Variants in BEND4 observed in about 807,000 individuals in gnomAD.
The protein encoded by BEND4 is BEN domain containing 4, also known as BEN domain-containing protein 4.
A neutral mutation model predicts 54.7 loss-of-function variants in BEND4; 27 were observed. The ratio of observed to expected loss-of-function variants is 0.49; its 90% CI spans 0.36 to 0.68. The LOEUF (loss-of-function observed/expected upper bound fraction) is 0.68. Ranked by LOEUF, BEND4 falls within the 30% of genes least tolerant of loss-of-function variation. The probability of loss-of-function intolerance (pLI) is 0.00; values close to 1 mark genes in which losing one functional copy is unlikely to be tolerated. For missense variants in BEND4, 702 were observed against 697.2 expected, an observed-to-expected ratio of 1.01 and a Z score of -0.08; for synonymous variants, 327 against 299.5, an observed-to-expected ratio of 1.09 and a Z score of -0.95.
At chr4:42,145,652 G>A (rs551309510) in intron 2 of BEND4, among the ~76,000 whole-genome samples, 1 of 148,236 alleles carries the variant, frequency 6.7e-6, no homozygotes, top group African/African-American at 2.5e-5. Context: ...AGATGGTGCC[G>A]CTGCACTCCA....
intron 4 of BEND4, among the ~76,000 whole-genome samples, chr4:42,122,481 C>T (rs968265986): frequency 7.9e-5 from 12 of 152,344 alleles, no homozygotes; most frequent in Admixed American, 7.8e-4. Flanking sequence ...GAGCACGGGC[C>T]TCTGTGGCTG....
intron 4 of BEND4, among the ~76,000 whole-genome samples, chr4:42,125,196 G>A (rs1228986087): frequency 6.6e-6 from 1 of 152,172 alleles, no homozygotes; most frequent in Non-Finnish European, 1.5e-5. Context: ...TCTGGAAAAT[G>A]CCTATCTGCA....
chr4:42,128,349 C>G (rs147914560), intron 3 of BEND4, among the ~76,000 whole-genome samples: 274 of 152,332 alleles, frequency 1.8e-3, no homozygotes, highest in Non-Finnish European at 3.1e-3. Flanking sequence ...CTGGGCCAGG[C>G]ACAGTGGCTC....
intron 3 of BEND4, among the ~76,000 whole-genome samples, chr4:42,136,816 C>T (rs1720714795): frequency 6.6e-6 from 1 of 152,162 alleles, no homozygotes; most frequent in Non-Finnish European, 1.5e-5. Context: ...ACGCCTCATT[C>T]GGGCATGAGT....
At chr4:42,133,388 T>A (rs1720575244) in intron 3 of BEND4, among the ~76,000 whole-genome samples, 2 of 152,174 alleles carry the variant, frequency 1.3e-5, no homozygotes, top group South Asian at 4.1e-4. Flanking sequence ...TTTAAGACAT[T>A]CTATGGTAAC....
At position 42,112,267 on chromosome 4, in the gene BEND4, G is replaced by A. The variant is rs1234259101; in HGVS notation, c.*5251C>T. The A allele has an allele frequency of 6.6e-6, 1 of 152,140 alleles. No homozygotes were observed. The highest frequency in any genetic ancestry group is 1.9e-4 in the East Asian group (1 of 5,198). The allele number at this position is 152,140 out of a possible 1,614,324, so 9.4% of individuals were successfully genotyped here. On this transcript the variant is annotated 3_prime_UTR_variant, in exon 6 of 6. Transcript: ENST00000502486. ...GGATAAGAACAGTAACAGCCTCATA[G>A]GGTAGCTGTGAGGATTAAAATGAGA... is the stretch of plus-strand genomic sequence containing the variant.
rs578235390 is a variant in BEND4 at position 42,140,610 on chromosome 4, A to T, written c.1054+2818T>A. 7.9e-5 allele frequency among the ~76,000 whole-genome samples: 12 copies of T among 152,336 alleles called. No homozygotes were observed. The South Asian group carries it at 2.3e-3, about 29-fold the overall frequency. On this transcript the variant is annotated intron_variant, in intron 3 of 5. Coordinates refer to ENST00000502486, the MANE Select transcript of BEND4 (RefSeq NM_207406.4). ...AGTACAAAAGACAATGATTAGTGGC[A>T]AGCCAACACTGAGTTAACTCCTACC...
intron 3 of BEND4, among the ~76,000 whole-genome samples, chr4:42,142,003 A>T (rs1720902292): frequency 1.3e-5 from 2 of 151,738 alleles, no homozygotes; most frequent in Non-Finnish European, 2.9e-5. Flanking sequence ...TCCTGGGTTC[A>T]CGTCATTCTC....
chr4:42,140,844 T>C (rs1422498805), intron 3 of BEND4, among the ~76,000 whole-genome samples: 1 of 152,178 alleles, frequency 6.6e-6, no homozygotes, highest in African/African-American at 2.4e-5. Flanking sequence ...CTTCAGAAGC[T>C]AGGAAGGCTC....
rs1721322701 is a variant in BEND4, at chr4:42,152,093, G to A, written c.51C>T (p.Ile17=). The A allele has an allele frequency of 8.0e-7, 1 of 1,250,206 alleles. No homozygotes were observed. Among genetic ancestry groups the A allele is most frequent in the East Asian group, 3.1e-5 (1 of 31,756 alleles). 77.4% of individuals were successfully genotyped at this position (1,250,206 alleles called of 1,614,324 possible). The part of the protein sequence containing the change: ...PAEEGPSVPK[I]YKQRSPYSVL... ...CGCTGTAGGGGCTGCGCTGCTTGTA[G>A]ATTTTGGGGACGCTGGGCCCCTCCT... The change falls in exon 2 of 6, where the codon ATC becomes ATT. Residue 17 remains isoleucine, a synonymous_variant. Coordinates refer to ENST00000502486, the MANE Select transcript of BEND4 (RefSeq NM_207406.4).
At chr4:42,139,684 A>C (rs1560582001) in intron 3 of BEND4, among the ~76,000 whole-genome samples, 2 of 151,822 alleles carry the variant, frequency 1.3e-5, no homozygotes, top group Non-Finnish European at 2.9e-5. Context: ...TAGCTGACCC[A>C]TCTCCTTTTC....
At chr4:42,119,073 G>A (rs1719959487) in intron 5 of BEND4, among the ~76,000 whole-genome samples, 2 of 152,092 alleles carry the variant, frequency 1.3e-5, no homozygotes, top group South Asian at 2.1e-4. Context: ...GTAGGCCTAG[G>A]GAATCTCAGC....
chr4:42,151,449 T>C, intron 2 of BEND4: 1 of 397,354 alleles, frequency 2.5e-6, no homozygotes. Flanking sequence ...AGCCACCTGT[T>C]AGGCGCGCGC....
chr4:42,117,312 A>G lies in BEND4; in HGVS notation c.*206T>C. 1 of 480,302 alleles carries G rather than the reference A, an allele frequency of 2.1e-6. No homozygotes were observed. Among genetic ancestry groups the G allele is most frequent in the Non-Finnish European group, 3.6e-6 (1 of 275,006 alleles). 29.8% of individuals were successfully genotyped at this position (480,302 alleles called of 1,614,324 possible). On this transcript the variant is annotated 3_prime_UTR_variant, in exon 6 of 6. Transcript: ENST00000502486. ...AAATCAGATGTAGTTTTTTCTTTTTATAATATAATATTCCAAAAGTCTGTT... is the reference window on the plus strand; with the variant it reads ...AAATCAGATGTAGTTTTTTCTTTTTGTAATATAATATTCCAAAAGTCTGTT...
chr4:42,116,750 C>T lies in BEND4; in HGVS notation c.*768G>A, dbSNP rs1367514247. The T allele has an allele frequency of 6.6e-6, 1 of 152,168 alleles. No individual in the cohort carries two copies. Among genetic ancestry groups the T allele is most frequent in the Non-Finnish European group, 1.5e-5 (1 of 68,038 alleles). The allele number at this position is 152,168 out of a possible 1,614,324, so 9.4% of individuals were successfully genotyped here. ...TCACTTTGGCATTGTGTCAACAAAG[C>T]CTGATTTAAGGCTATGGAAACTGCG... On this transcript the variant is annotated 3_prime_UTR_variant, in exon 6 of 6. Coordinates refer to ENST00000502486, the MANE Select transcript of BEND4 (RefSeq NM_207406.4).
chr4:42,152,130 A>T lies in BEND4; in HGVS notation c.14T>A (p.Met5Lys). Residue 5 changes from methionine to lysine, a missense_variant, in exon 2 of 6, where the codon ATG becomes AAG. Transcript: ENST00000502486. MEEE[M>K]QPAEEGPSVP... ...GCTGGGCCCCTCCTCTGCCGGCTGC[A>T]TCTCTTCCTCCATCCGGCGCCTCGG... The T allele has an allele frequency of 8.0e-7, 1 of 1,245,134 alleles. No homozygotes were observed. Among genetic ancestry groups the T allele is most frequent in the Non-Finnish European group, 1.0e-6 (1 of 986,104 alleles). 77.1% of individuals were successfully genotyped at this position (1,245,134 alleles called of 1,614,324 possible). A position where few individuals can be genotyped will look rare whatever the true frequency, so the allele number is the denominator to read the frequency against.
At chr4:42,135,768 C>A (rs1479145448) in intron 3 of BEND4, among the ~76,000 whole-genome samples, 2 of 151,858 alleles carry the variant, frequency 1.3e-5, no homozygotes, top group Non-Finnish European at 2.9e-5. Context: ...GAGCAAGACT[C>A]CGTCTAAAAA....
At chr4:42,151,286 T>C in intron 2 of BEND4, 1 of 189,544 alleles carries the variant, frequency 5.3e-6, no homozygotes, top group Non-Finnish European at 1.1e-5. Flanking sequence ...TACGAGGGCG[T>C]CCCAGCGGGG....
chr4:42,150,838 G>A (rs1721242704), intron 2 of BEND4, among the ~76,000 whole-genome samples: 1 of 152,234 alleles, frequency 6.6e-6, no homozygotes, highest in South Asian at 2.1e-4. Context: ...TAAGGCTCGG[G>A]CCGAGATGCT....
Sources: allele counts gnomAD v4.1 joint callset (sites outside exome capture counted in the v4.1 genomes callset), GRCh38; gene constraint gnomAD v4.1.1; transcripts MANE v1.5; gene names NCBI Gene and HGNC (gene_info 2026-07-23, HGNC 2026-07-21).